The following COL12A1 variants were observed in gnomAD, a reference collection of about 807,000 sequenced individuals.
The protein encoded by COL12A1 is collagen alpha-1(XII) chain.
In COL12A1, 114 loss-of-function variants were observed where a neutral mutation model predicts 349.7. The ratio of observed to expected loss-of-function variants is 0.33; its 90% CI spans 0.28 to 0.38. COL12A1 has a LOEUF of 0.38. Among genes scored for constraint, COL12A1 ranks in the 10% least tolerant of loss-of-function variants. COL12A1 has a pLI of 1.00. For missense variants in COL12A1, 3,284 were observed against 3,756.9 expected (o/e 0.87, Z 3.29); for synonymous variants, 1,369 against 1,329.0 (o/e 1.03, Z -0.66).
intron 32 of COL12A1, among the ~76,000 whole-genome samples, chr6:75,134,423 T>G (rs1421245064): frequency 6.6e-6 from 1 of 151,792 alleles, no homozygotes; most frequent in Non-Finnish European, 1.5e-5. Flanking sequence ...TATAAAAAAT[T>G]AGCCGGGTGT....
At chr6:75,172,033 T>C (rs1768663906) in intron 13 of COL12A1, among the ~76,000 whole-genome samples, 2 of 152,250 alleles carry the variant, frequency 1.3e-5, no homozygotes, top group Non-Finnish European at 2.9e-5. Context: ...TTGCAAATTA[T>C]CTAGCTTTCC....
intron 47 of COL12A1, 75 bp from the exon 48 acceptor site, chr6:75,116,132 T>G: frequency 7.3e-7 from 1 of 1,361,260 alleles, no homozygotes; most frequent in African/African-American, 1.4e-5. Flanking sequence ...AAAGTAGCAA[T>G]GAACGTATTT....
intron 58 of COL12A1, 120 bp downstream of exon 58, chr6:75,101,480 T>G (rs1582048664): frequency 6.5e-6 from 6 of 922,906 alleles, no homozygotes; most frequent in Non-Finnish European, 9.8e-6. Flanking sequence ...TTTGCAGCTT[T>G]GCAGCTTTCC....
intron 38 of COL12A1, 94 bp downstream of exon 38, chr6:75,128,202 A>G: frequency 8.9e-7 from 1 of 1,126,954 alleles, no homozygotes; most frequent in Non-Finnish European, 1.2e-6. Context: ...TGTATTGGTA[A>G]AGATAAAATT....
At chr6:75,159,792 T>C (rs563232970) in intron 14 of COL12A1, among the ~76,000 whole-genome samples, 76 of 151,778 alleles carry the variant, frequency 5.0e-4, no homozygotes, top group Non-Finnish European at 1.0e-4. Flanking sequence ...AAAAGAAACT[T>C]AAGTTTCAAA....
chr6:75,181,076 G>C lies in COL12A1; in HGVS notation c.2027C>G (p.Thr676Ser). 6.2e-7 allele frequency: 1 copy of C among 1,613,976 alleles called. No individual in the cohort carries two copies. The highest frequency in any genetic ancestry group is 8.5e-7 in the Non-Finnish European group (1 of 1,179,994). ...YKEAAGDDEV[T>S]VVEPASSTSV... ...GGTGCTCGATGCTGGCTCCACCACA[G>C]TGACCTCATCATCCCCAGCCGCTTC... Residue 676 changes from threonine (T) to serine (S), a missense_variant, in exon 11 of 66, where the codon ACT (threonine) becomes AGT (serine). Physicochemically the swap from Thr to Ser is moderately conservative, Grantham distance 58 (BLOSUM62 1). Transcript: ENST00000322507.
At chr6:75,192,137 G>T in intron 4 of COL12A1, 75 bp downstream of exon 4, 1 of 1,190,918 alleles carries the variant, frequency 8.4e-7, no homozygotes. Flanking sequence ...TATCATAAAA[G>T]ATTAAATCTG....
intron 40 of COL12A1, 75 bp from the exon 41 acceptor site, chr6:75,124,446 T>C (rs745761877): frequency 5.5e-6 from 6 of 1,085,690 alleles, no homozygotes; most frequent in Non-Finnish European, 7.8e-6. Context: ...TAACACAATT[T>C]TCAAACTTTC....
At chr6:75,129,373 A>G (rs757887484) in intron 37 of COL12A1, among the ~76,000 whole-genome samples, 6 of 151,776 alleles carry the variant, frequency 4.0e-5, no homozygotes, top group Non-Finnish European at 7.3e-5. Flanking sequence ...TGGTAAAAAG[A>G]TGGCAAACCA....
intron 58 of COL12A1, among the ~76,000 whole-genome samples, chr6:75,099,507 C>G (rs1044452823): frequency 6.6e-6 from 1 of 152,192 alleles, no homozygotes; most frequent in Non-Finnish European, 1.5e-5. Context: ...TAAGAACTTT[C>G]TGATCAACCA....
In COL12A1 at chr6:75,155,740, T is replaced by A. The variant is rs1362370342; in HGVS notation, c.3365A>T (p.His1122Leu). ...GEVKGYKVTF[H>L]PTGDDRRLGE... ...CAGTCTTCTGTCATCCCCCGTAGGG[T>A]GGAATGTGACTTTATAACCCTTCAC... Residue 1122 changes from histidine (H) to leucine (L), a missense_variant, in exon 16 of 66, where the codon CAC becomes CTC. Transcript: ENST00000322507. The A allele has an allele frequency of 6.2e-7, 1 of 1,613,330 alleles. No individual in the cohort carries two copies. The highest frequency in any genetic ancestry group is 8.5e-7 in the Non-Finnish European group (1 of 1,179,624).
At chr6:75,132,136 CT>C in intron 34 of COL12A1, 54 bp from the exon 35 acceptor site, 1 of 1,584,836 alleles carries the variant, frequency 6.3e-7, no homozygotes, top group East Asian at 2.2e-5. Context: ...ATATCTCAAG[CT>C]TTTGTATCAC....
chr6:75,140,874 TG>T (rs1248758744), intron 27 of COL12A1, among the ~76,000 whole-genome samples: 2 of 152,054 alleles, frequency 1.3e-5, no homozygotes, highest in Non-Finnish European at 2.9e-5. Flanking sequence ...CTGTCCATAA[TG>T]GAAACCACTA....
At position 75,189,243 on chromosome 6, in the gene COL12A1, T is replaced by G; in HGVS notation, c.797A>C (p.Asn266Thr). The G allele has an allele frequency of 6.2e-7, 1 of 1,612,982 alleles. No homozygotes were observed. Among genetic ancestry groups the G allele is most frequent in the Non-Finnish European group, 8.5e-7 (1 of 1,179,354 alleles). Residue 266 changes from asparagine (N) to threonine (T), a missense_variant, in exon 7 of 66, where the codon AAT becomes ACT. By Grantham distance (65) the Asn-to-Thr change is moderately conservative. Coordinates refer to ENST00000322507, the MANE Select transcript of COL12A1 (RefSeq NM_004370.6). ...CAAGGAGAAAACTTCAACTCCAACA[T>G]TACGAAGCTCTCTTGCTGGAATTTC... ...EVEIPARELR[N>T]VGVEVFSLGI...
chr6:75,191,860 T>C, intron 4 of COL12A1, 100 bp from the exon 5 acceptor site: 1 of 667,324 alleles, frequency 1.5e-6, no homozygotes, highest in Non-Finnish European at 2.2e-6. Context: ...TATTGTCTCT[T>C]AAATGTATGG....
intron 62 of COL12A1, 27 bp downstream of exon 62, chr6:75,091,296 A>T: frequency 6.3e-7 from 1 of 1,589,818 alleles, no homozygotes; most frequent in South Asian, 1.1e-5. Flanking sequence ...AAAACAATTC[A>T]TACAGTAAAA....
chr6:75,093,120 C>A (rs1324610081), intron 60 of COL12A1, among the ~76,000 whole-genome samples: 1 of 152,184 alleles, frequency 6.6e-6, no homozygotes, highest in East Asian at 1.9e-4. Context: ...TCTCTAACCC[C>A]TTACTCTGTT....
chr6:75,126,332 G>A lies in COL12A1; in HGVS notation c.6460+19C>T, dbSNP rs1766011498. On this transcript the variant is annotated intron_variant, in intron 39 of 65. Coordinates refer to ENST00000322507, the MANE Select transcript of COL12A1 (RefSeq NM_004370.6). The stretch of plus-strand genomic sequence containing the variant: ...TAACCCTCCAAAGCATTTCTATGAT[G>A]ACAAAGGCACTTCCTTACCCACTGG... 1 of 1,601,102 alleles carries A rather than the reference G, an allele frequency of 6.2e-7. No individual in the cohort carries two copies. Among genetic ancestry groups the A allele is most frequent in the Non-Finnish European group, 8.5e-7 (1 of 1,171,580 alleles).
At chr6:75,101,916 C>T in intron 57 of COL12A1, 83 bp downstream of exon 57, 1 of 1,460,050 alleles carries the variant, frequency 6.8e-7, no homozygotes, top group Non-Finnish European at 9.5e-7. Context: ...TGCTTTGCTA[C>T]TTAATCTGGG....
Sources: allele counts gnomAD v4.1 joint callset (sites outside exome capture counted in the v4.1 genomes callset), GRCh38; gene constraint gnomAD v4.1.1; transcripts MANE v1.5; gene names NCBI Gene and HGNC (gene_info 2026-07-23, HGNC 2026-07-21).